Variants in MCMDC2 observed in about 807,000 individuals in gnomAD.
MCMDC2 encodes minichromosome maintenance domain containing 2, also known as minichromosome maintenance domain-containing protein 2.
In MCMDC2, 54 loss-of-function variants were observed where a neutral mutation model predicts 75.8. That is an observed-to-expected ratio of 0.71 (90% CI 0.57 to 0.89). The LOEUF (loss-of-function observed/expected upper bound fraction) is 0.89, where lower values mean the gene tolerates loss of function less well. MCMDC2 is among the 40% of genes least tolerant of loss of function. The probability of loss-of-function intolerance (pLI) is 0.00; values close to 1 mark genes in which losing one functional copy is unlikely to be tolerated. For synonymous variants in MCMDC2, 249 were observed against 274.6 expected (o/e 0.91, Z 0.92); for missense variants, 656 against 780.4 (o/e 0.84, Z 1.90).
intron 14 of MCMDC2, among the ~76,000 whole-genome samples, chr8:66,910,324 T>A (rs112015231): frequency 0.063 from 9,662 of 152,182 alleles, 361 homozygotes; most frequent in African/African-American, 0.096. Context: ...GAATGGTAGA[T>A]CCACCAACAG....
At chr8:66,872,138 G>A (rs1811051657) in intron 1 of MCMDC2, among the ~76,000 whole-genome samples, 1 of 152,098 alleles carries the variant, frequency 6.6e-6, no homozygotes. Context: ...AGAAATAAAC[G>A]CTAAAGTTTC....
chr8:66,877,434 C>A lies in MCMDC2; in HGVS notation c.371C>A (p.Ser124Tyr). ...DLCEFPLDYT[S>Y]QRFYMMQGIV... ...TGTGAGTTTCCACTTGATTATACATCTCAGAGATTTTATATGATGCAAGGA... is the reference window on the plus strand; with the variant it reads ...TGTGAGTTTCCACTTGATTATACATATCAGAGATTTTATATGATGCAAGGA... The change falls in exon 5 of 15, where the codon TCT becomes TAT. Residue 124 changes from serine (S) to tyrosine (Y), a missense_variant. Transcript: ENST00000422365. The A allele has an allele frequency of 6.2e-7, 1 of 1,612,854 alleles. No homozygotes were observed.
At chr8:66,887,564 A>G (rs1034182884) in intron 9 of MCMDC2, among the ~76,000 whole-genome samples, 2 of 149,734 alleles carry the variant, frequency 1.3e-5, no homozygotes, top group African/African-American at 5.1e-5. Flanking sequence ...AAGAAAAAAG[A>G]AGAAGAAATC....
At chr8:66,904,527 C>CA (rs982699231) in intron 13 of MCMDC2, among the ~76,000 whole-genome samples, 47 of 152,116 alleles carry the variant, frequency 3.1e-4, no homozygotes, top group African/African-American at 1.1e-3. Flanking sequence ...AGCTGAGTTT[C>CA]AAAAAATCTC....
intron 10 of MCMDC2, among the ~76,000 whole-genome samples, 185 bp downstream of exon 10, chr8:66,891,255 C>T (rs754162844): frequency 5.3e-5 from 8 of 152,112 alleles, no homozygotes; most frequent in Non-Finnish European, 1.0e-4. Context: ...CAGTTTTAGC[C>T]TTTGCTCTCA....
intron 7 of MCMDC2, among the ~76,000 whole-genome samples, 161 bp from the exon 8 acceptor site, chr8:66,880,683 GATTAT>G (rs1310033392): frequency 6.6e-6 from 1 of 152,108 alleles, no homozygotes; most frequent in African/African-American, 2.4e-5. Flanking sequence ...AATTGCATCA[GATTAT>G]ATTATTAGTG....
intron 4 of MCMDC2, among the ~76,000 whole-genome samples, chr8:66,876,496 A>G (rs1046475984): frequency 6.6e-6 from 1 of 151,938 alleles, no homozygotes; most frequent in African/African-American, 2.4e-5. Context: ...ATATTAGCCT[A>G]CCTTTTGTCA....
Position 66,919,318 on chromosome 8 carries a change from T to C in MCMDC2, c.*149T>C. 1.8e-6 allele frequency: 1 copy of C among 546,442 alleles called. No homozygotes were observed. The highest frequency in any genetic ancestry group is 2.9e-6 in the Non-Finnish European group (1 of 340,100). 33.8% of individuals were successfully genotyped at this position (546,442 alleles called of 1,614,324 possible). A position where few individuals can be genotyped will look rare whatever the true frequency, so the allele number is the denominator to read the frequency against. On this transcript the variant is annotated 3_prime_UTR_variant, in exon 15 of 15. Coordinates refer to ENST00000422365, the MANE Select transcript of MCMDC2 (RefSeq NM_173518.5). ...TTTAAAAATATAAAATATAGTCCCC[T>C]CAAAACTAATTGCTAATGGGATAAA... is the stretch of plus-strand genomic sequence containing the variant.
chr8:66,883,955 A>G lies in MCMDC2; in HGVS notation c.1034A>G (p.Asp345Gly). ...DRNKELEDCLDILIITSDTLL... is the reference protein window; with the variant it reads ...DRNKELEDCLGILIITSDTLL... ...AACAAGGAACTGGAAGATTGCCTGGATATTTTAATTATAACAAGTGATACT... is the reference window on the plus strand; with the variant it reads ...AACAAGGAACTGGAAGATTGCCTGGGTATTTTAATTATAACAAGTGATACT... Residue 345 changes from aspartate to glycine, a missense_variant, in exon 9 of 15, where the codon GAT becomes GGT. Physicochemically the swap from Asp to Gly is moderately conservative, Grantham distance 94. Transcript: ENST00000422365. 6.2e-7 allele frequency: 1 copy of G among 1,613,774 alleles called. No individual in the cohort carries two copies. The highest frequency in any genetic ancestry group is 1.1e-5 in the South Asian group (1 of 91,078).
intron 8 of MCMDC2, among the ~76,000 whole-genome samples, chr8:66,883,529 C>G (rs1811691367): frequency 6.6e-6 from 1 of 151,802 alleles, no homozygotes; most frequent in African/African-American, 2.4e-5. Context: ...CACGGTGGCT[C>G]AGGCCTGTAA....
rs139522777 is a variant in MCMDC2, at chr8:66,917,500, C to T, written c.1880-1503C>T. Among the ~76,000 whole-genome samples, 27 of 152,272 alleles carry T rather than the reference C, an allele frequency of 1.8e-4. No individual in the cohort carries two copies. In the East Asian group the frequency reaches 3.3e-3, roughly 19 times the overall value. On this transcript the variant is annotated intron_variant, in intron 14 of 14. Coordinates refer to ENST00000422365, the MANE Select transcript of MCMDC2 (RefSeq NM_173518.5). Reference sequence around the variant, plus strand: ...ATTCACACTGTTGGGCAACCATCACCACCCTTCGTCGCCAGAGCTTTTTCA... The same window carrying T: ...ATTCACACTGTTGGGCAACCATCACTACCCTTCGTCGCCAGAGCTTTTTCA...
At chr8:66,917,083 T>A (rs1282017451) in intron 14 of MCMDC2, among the ~76,000 whole-genome samples, 1 of 152,196 alleles carries the variant, frequency 6.6e-6, no homozygotes, top group East Asian at 1.9e-4. Context: ...AAGAATGGTC[T>A]GGAAGCAGCA....
At chr8:66,911,659 AC>A (rs1397969247) in intron 14 of MCMDC2, among the ~76,000 whole-genome samples, 23 of 152,028 alleles carry the variant, frequency 1.5e-4, no homozygotes, top group Admixed American at 1.5e-3. Flanking sequence ...CCCTGTCTCT[AC>A]TAAAAATACA....
At chr8:66,915,446 C>T (rs1262348195) in intron 14 of MCMDC2, among the ~76,000 whole-genome samples, 5 of 144,018 alleles carry the variant, frequency 3.5e-5, no homozygotes, top group South Asian at 4.3e-4. Context: ...AGCCAGACTC[C>T]GTCTCAAAAA....
Position 66,901,273 on chromosome 8 carries a change from A to G in MCMDC2, c.1694A>G (p.Tyr565Cys). The G allele has an allele frequency of 3.1e-6, 5 of 1,614,116 alleles. No individual in the cohort carries two copies. The highest frequency in any genetic ancestry group is 4.2e-6 in the Non-Finnish European group (5 of 1,179,980). Reference protein sequence around the residue: ...SLEAERMTHGYYLASRRIRTG... With the variant: ...SLEAERMTHGCYLASRRIRTG... ...GAAGCAGAAAGAATGACCCATGGCT[A>G]TTATCTAGCAAGTCGCAGAATCAGA... is the stretch of plus-strand genomic sequence containing the variant. The change falls in exon 13 of 15, where the codon TAT (tyrosine) becomes TGT (cysteine). Residue 565 changes from tyrosine to cysteine, a missense_variant. By Grantham distance (194) the Tyr-to-Cys change is radical (BLOSUM62 -2). Transcript: ENST00000422365.
chr8:66,906,171 G>A (rs1812897833), intron 14 of MCMDC2, among the ~76,000 whole-genome samples: 1 of 152,096 alleles, frequency 6.6e-6, no homozygotes, highest in Non-Finnish European at 1.5e-5. Flanking sequence ...TTTAAGGTAA[G>A]GGTAAAGGAG....
rs1371964146 is a variant in MCMDC2, at chr8:66,919,089, C to G, written c.1966C>G (p.Leu656Val). The change falls in exon 15 of 15, where the codon CTG (leucine) becomes GTG (valine). Residue 656 changes from leucine to valine, a missense_variant. By Grantham distance (32) the Leu-to-Val change is conservative. Coordinates refer to ENST00000422365, the MANE Select transcript of MCMDC2 (RefSeq NM_173518.5). The part of the protein sequence containing the change: ...EEYLEQRDLY[L>V]TQCQQQLEQF... ...ATACTTAGAGCAAAGGGATCTCTAT[C>G]TGACTCAGTGCCAACAACAGCTGGA... The G allele has an allele frequency of 1.9e-6, 3 of 1,550,798 alleles. No homozygotes were observed. The Admixed American group carries it at 5.9e-5, about 30-fold the overall frequency.
chr8:66,885,513 T>G (rs1441362700), intron 9 of MCMDC2, among the ~76,000 whole-genome samples: 2 of 152,208 alleles, frequency 1.3e-5, no homozygotes, highest in African/African-American at 4.8e-5. Flanking sequence ...TATTTATTAT[T>G]GATTTGTGAT....
chr8:66,905,194 ATATTTTC>A, intron 13 of MCMDC2, 25 bp from the exon 14 acceptor site: 1 of 1,372,838 alleles, frequency 7.3e-7, no homozygotes, highest in Non-Finnish European at 9.5e-7. Context: ...TAATATCAAC[ATATTTTC>A]TTTGGCAACT....
Sources: allele counts gnomAD v4.1 joint callset (sites outside exome capture counted in the v4.1 genomes callset), GRCh38; gene constraint gnomAD v4.1.1; transcripts MANE v1.5; gene names NCBI Gene and HGNC (gene_info 2026-07-23, HGNC 2026-07-21).